DBNDD1: variants seen among roughly 807,000 people sequenced by gnomAD.
DBNDD1 encodes dysbindin domain containing 1, also known as dysbindin domain-containing protein 1.
A neutral mutation model predicts 17.0 loss-of-function variants in DBNDD1; 14 were observed. That is an observed-to-expected ratio of 0.82 (90% CI 0.54 to 1.29). The LOEUF (loss-of-function observed/expected upper bound fraction) is 1.29, where lower values mean the gene tolerates loss of function less well. Among genes scored for constraint, DBNDD1 ranks in the 50% most tolerant of loss-of-function variants. The pLI, the probability that DBNDD1 is intolerant of heterozygous loss-of-function variation, is 0.00. For missense variants in DBNDD1, 221 were observed against 216.2 expected (o/e 1.02, Z -0.14); for synonymous variants, 105 against 102.0 (o/e 1.03, Z -0.18).
Position 90,008,937 on chromosome 16 carries a change from G to T in DBNDD1, c.179-13C>A, listed in dbSNP as rs756150568. The T allele has an allele frequency of 3.3e-5, 51 of 1,543,924 alleles. No individual in the cohort carries two copies. The Middle Eastern group carries it at 1.1e-3, about 32-fold the overall frequency. ...CTGCTCAGAGGCTCTGAGGGCAGAG[G>T]GGGTACAGTCAGCCCTCAGGCCCTC... On this transcript the variant is annotated splice_polypyrimidine_tract_variant and intron_variant, in intron 2 of 3. Coordinates refer to ENST00000002501, the MANE Select transcript of DBNDD1 (RefSeq NM_001042610.3).
chr16:90,009,639 G>C, intron 1 of DBNDD1: 1 of 704,710 alleles, frequency 1.4e-6, no homozygotes, highest in Non-Finnish European at 2.3e-6. Flanking sequence ...CTTCCCCTTG[G>C]GCCCTGGCCT....
At position 90,008,810 on chromosome 16, in the gene DBNDD1, T is replaced by TC; in HGVS notation, c.292dup (p.Glu98GlyfsTer31). ...TGCTGGGGACTCGGTGTTGAGGTTC[T>TC]CGTCGTCCGAGTCAGCAAAGACCTC... On this transcript the variant is annotated frameshift_variant, in exon 3 of 4. Coordinates refer to ENST00000002501, the MANE Select transcript of DBNDD1 (RefSeq NM_001042610.3). LOFTEE classifies it high-confidence loss of function. The TC allele has an allele frequency of 6.2e-7, 1 of 1,603,192 alleles. No individual in the cohort carries two copies. Among genetic ancestry groups the TC allele is most frequent in the Non-Finnish European group, 8.5e-7 (1 of 1,172,714 alleles).
At chr16:90,013,088 C>T (rs2035582666) in intron 1 of DBNDD1, among the ~76,000 whole-genome samples, 1 of 151,294 alleles carries the variant, frequency 6.6e-6, no homozygotes, top group South Asian at 2.1e-4. Flanking sequence ...CCCTCAGAGG[C>T]AGGTGGGGCA....
At position 90,019,223 on chromosome 16, in the gene DBNDD1, C is replaced by T; in HGVS notation, c.31+88G>A. ...AAGGGGTCTTCGCGACTCCCGGGAGCGGCGAAGGGTGAGCCCTGGGGGGAG... is the reference window on the plus strand; with the variant it reads ...AAGGGGTCTTCGCGACTCCCGGGAGTGGCGAAGGGTGAGCCCTGGGGGGAG... On this transcript the variant is annotated intron_variant, in intron 1 of 3. Coordinates refer to ENST00000002501, the MANE Select transcript of DBNDD1 (RefSeq NM_001042610.3). This position sits in a 1 kb window ranked among gnomAD's most constrained non-coding sequence, Gnocchi z 6.1. 3 of 645,754 alleles carry T rather than the reference C, an allele frequency of 4.6e-6. No homozygotes were observed. Among genetic ancestry groups the T allele is most frequent in the Non-Finnish European group, 6.5e-6 (3 of 460,754 alleles). 40.0% of individuals were successfully genotyped at this position (645,754 alleles called of 1,614,324 possible). A position where few individuals can be genotyped will look rare whatever the true frequency, so the allele number is the denominator to read the frequency against.
chr16:90,011,753 C>T (rs1597581140), intron 1 of DBNDD1: 1 of 438,952 alleles, frequency 2.3e-6, no homozygotes, highest in East Asian at 7.1e-5. Flanking sequence ...CCTGGCCCAC[C>T]CCCAAGCCCA....
intron 2 of DBNDD1, 76 bp from the exon 3 acceptor site, chr16:90,009,000 A>T: frequency 2.1e-6 from 3 of 1,461,962 alleles, no homozygotes; most frequent in Non-Finnish European, 1.8e-6. Context: ...TCTAGGAGAG[A>T]GTGTGCTGTG....
intron 1 of DBNDD1, among the ~76,000 whole-genome samples, chr16:90,010,953 C>A (rs1198641701): frequency 6.6e-6 from 1 of 152,250 alleles, no homozygotes; most frequent in Non-Finnish European, 1.5e-5. Flanking sequence ...CCCATTGCCC[C>A]TGCAGGAACC....
Position 90,005,105 on chromosome 16 carries a change from G to A in DBNDD1, c.*1230C>T. The A allele has an allele frequency of 6.5e-6, 1 of 152,724 alleles. No individual in the cohort carries two copies. 9.5% of individuals were successfully genotyped at this position (152,724 alleles called of 1,614,324 possible). A position where few individuals can be genotyped will look rare whatever the true frequency, so the allele number is the denominator to read the frequency against. ...GGTTTGCCAGCAGTGCGGAGGGGCAGCGGGTGGCTCAGAAGTGGGAGCAGG... is the reference window on the plus strand; with the variant it reads ...GGTTTGCCAGCAGTGCGGAGGGGCAACGGGTGGCTCAGAAGTGGGAGCAGG... On this transcript the variant is annotated 3_prime_UTR_variant, in exon 4 of 4. Coordinates refer to ENST00000002501, the MANE Select transcript of DBNDD1 (RefSeq NM_001042610.3).
chr16:90,017,061 C>T (rs1490464043), intron 1 of DBNDD1, among the ~76,000 whole-genome samples: 2 of 152,238 alleles, frequency 1.3e-5, no homozygotes, highest in Non-Finnish European at 2.9e-5. Flanking sequence ...TGGGTTACAG[C>T]CCTGGCTTCC....
rs1161361107 is a variant in DBNDD1, at chr16:90,009,061, G to A, written c.179-137C>T. The A allele has an allele frequency of 1.5e-5, 19 of 1,270,682 alleles. No homozygotes were observed. In the Admixed American group the frequency reaches 3.1e-4, roughly 20 times the overall value. The allele number at this position is 1,270,682 out of a possible 1,614,324, so 78.7% of individuals were successfully genotyped here. A position where few individuals can be genotyped will look rare whatever the true frequency, so the allele number is the denominator to read the frequency against. Reference sequence around the variant, plus strand: ...CACAGCTTCCTGCAAAGCCCACACCGGCAGGATCTGATGAGTGTTGCGTAT... The same window carrying A: ...CACAGCTTCCTGCAAAGCCCACACCAGCAGGATCTGATGAGTGTTGCGTAT... On this transcript the variant is annotated intron_variant, in intron 2 of 3. Coordinates refer to ENST00000002501, the MANE Select transcript of DBNDD1 (RefSeq NM_001042610.3).
At chr16:90,009,786 A>T in intron 1 of DBNDD1, 1 of 722,040 alleles carries the variant, frequency 1.4e-6, no homozygotes, top group Non-Finnish European at 2.3e-6. Context: ...TCTGATTTCT[A>T]GCTCGGCCCA....
At chr16:90,011,523 G>C (rs2035554555) in intron 1 of DBNDD1, 1 of 388,310 alleles carries the variant, frequency 2.6e-6, no homozygotes, top group Non-Finnish European at 5.3e-6. Context: ...GGGCAGCCCT[G>C]TGGCCTGACA....
intron 1 of DBNDD1, among the ~76,000 whole-genome samples, chr16:90,016,125 C>T (rs1423656513): frequency 6.6e-6 from 1 of 152,170 alleles, no homozygotes; most frequent in East Asian, 1.9e-4. Flanking sequence ...ACGCCAGACC[C>T]CCAGGCACAG....
intron 1 of DBNDD1, chr16:90,009,878 G>A: frequency 7.0e-7 from 1 of 1,423,488 alleles, no homozygotes; most frequent in African/African-American, 1.4e-5. Context: ...TCTCCACTGT[G>A]GACTGACTTT....
upstream of DBNDD1, chr16:90,019,539 G>A (rs2035734141): frequency 6.5e-6 from 1 of 154,924 alleles, no homozygotes; most frequent in African/African-American, 2.5e-5. The surrounding 1 kb of genome is among the most constrained non-coding windows in gnomAD (Gnocchi z 6.1). Context: ...CCCCCTCCCG[G>A]CGCCCCCCCA....
At chr16:90,013,889 G>C (rs1206554453) in intron 1 of DBNDD1, among the ~76,000 whole-genome samples, 4 of 149,508 alleles carry the variant, frequency 2.7e-5, no homozygotes, top group African/African-American at 9.8e-5. Flanking sequence ...CTTGGAGGAG[G>C]AGCCTGGAGG....
At chr16:90,019,874 C>T (rs1057166554), upstream of DBNDD1, 1 of 680,898 alleles carries the variant, frequency 1.5e-6, no homozygotes, top group Admixed American at 2.1e-5. The surrounding 1 kb of genome is among the most constrained non-coding windows in gnomAD (Gnocchi z 6.1). Flanking sequence ...CACAGAGCGC[C>T]CTGGATGGCG....
At chr16:90,006,846 G>A (rs2035437471) in intron 3 of DBNDD1, 1 of 232,986 alleles carries the variant, frequency 4.3e-6, no homozygotes, top group Non-Finnish European at 8.8e-6. Context: ...CACCCTCCAT[G>A]AGCCCTGCAG....
In DBNDD1 at chr16:90,011,492, C is replaced by T. The variant is rs118027911; in HGVS notation, c.32-2062G>A. 1,536 of 349,998 alleles carry T rather than the reference C, an allele frequency of 4.4e-3. 6 individuals carry two copies. The highest frequency in any genetic ancestry group is 6.0e-3 in the Non-Finnish European group (1,046 of 173,518). The allele number at this position is 349,998 out of a possible 1,614,324, so 21.7% of individuals were successfully genotyped here. ...GTGGGCAGGTGGCCTGGCAGCGAGC[C>T]GAGTGTTAGGCTGTGCCTGGGGGCA... On this transcript the variant is annotated intron_variant, in intron 1 of 3. Coordinates refer to ENST00000002501, the MANE Select transcript of DBNDD1 (RefSeq NM_001042610.3).
Sources: gnomAD v4.1 joint callset for allele counts (sites outside exome capture counted in the v4.1 genomes callset) on GRCh38, gnomAD v4.1.1 for gene constraint, Gnocchi (gnomAD v3.1) non-coding constraint, MANE v1.5 for transcripts, NCBI Gene and HGNC (gene_info 2026-07-23, HGNC 2026-07-21) for gene names.